The following ZNF746 variants were observed in gnomAD, a reference collection of about 807,000 sequenced individuals.
ZNF746 encodes the protein parkin-interacting substrate.
Under a neutral mutation model 41.0 loss-of-function variants are expected in ZNF746, and 13 were observed. The ratio of observed to expected loss-of-function variants is 0.32; its 90% CI spans 0.21 to 0.50. The LOEUF (loss-of-function observed/expected upper bound fraction) is 0.50, where lower values mean the gene tolerates loss of function less well. Ranked by LOEUF, ZNF746 falls within the 20% of genes least tolerant of loss-of-function variation. ZNF746 has a pLI of 0.98. For synonymous variants in ZNF746, 424 were observed against 396.2 expected, an observed-to-expected ratio of 1.07 and a Z score of -0.83; for missense variants, 811 against 922.9, an observed-to-expected ratio of 0.88 and a Z score of 1.57.
At chr7:149,483,425 G>A (rs904091786) in intron 4 of ZNF746, among the ~76,000 whole-genome samples, 1 of 152,040 alleles carries the variant, frequency 6.6e-6, no homozygotes, top group Non-Finnish European at 1.5e-5. Context: ...TGGCCAACAT[G>A]GTGAAACCCC....
In ZNF746 at chr7:149,486,356, T is replaced by G. The variant is rs147883755; in HGVS notation, c.565+6503A>C. Among the ~76,000 whole-genome samples the G allele has an allele frequency of 9.6e-3, 865 of 89,878 alleles. 9 individuals carry two copies. Among genetic ancestry groups the G allele is most frequent in the African/African-American group, 0.036 (817 of 22,792 alleles). 59.0% of individuals were successfully genotyped at this position (89,878 alleles called of 152,430 possible). A position where few individuals can be genotyped will look rare whatever the true frequency, so the allele number is the denominator to read the frequency against. On this transcript the variant is annotated intron_variant, in intron 4 of 6. Coordinates refer to ENST00000458143, the MANE Select transcript of ZNF746 (RefSeq NM_001394198.1). ...CTTTCCTATGACCCAGCAGTTCCGCTCCTGGATCTACACCTACAGAAGCTT... is the reference window on the plus strand; with the variant it reads ...CTTTCCTATGACCCAGCAGTTCCGCGCCTGGATCTACACCTACAGAAGCTT...
chr7:149,482,923 T>G (rs1332131704), intron 4 of ZNF746, among the ~76,000 whole-genome samples: 1 of 152,038 alleles, frequency 6.6e-6, no homozygotes, highest in Non-Finnish European at 1.5e-5. Flanking sequence ...TTATATAAAA[T>G]TTGAGCAACT....
At chr7:149,493,755 T>C (rs1029115810) in intron 3 of ZNF746, among the ~76,000 whole-genome samples, 12 of 152,164 alleles carry the variant, frequency 7.9e-5, no homozygotes, top group Non-Finnish European at 1.6e-4. Context: ...CGGGCCTGCG[T>C]AGGAGAGAAG....
intron 1 of ZNF746, chr7:149,496,809 C>G: frequency 1.0e-6 from 1 of 985,402 alleles, no homozygotes; most frequent in Middle Eastern, 5.2e-4. Context: ...GCACTCACCC[C>G]TTTCTGTTTT....
chr7:149,474,881 C>T lies in ZNF746; in HGVS notation c.1486G>A (p.Gly496Arg), dbSNP rs1467141815. Residue 496 changes from glycine (G) to arginine (R), a missense_variant, in exon 7 of 7, where the codon GGG becomes AGG. Coordinates refer to ENST00000458143, the MANE Select transcript of ZNF746 (RefSeq NM_001394198.1). The surrounding 1 kb of genome is among the most constrained non-coding windows in gnomAD (Gnocchi z 6.3). ...CCACCGCCTGTGCCCGGGCCCGACC[C>T]GTCGGGCGCCCCACAGCTGCGCTGG... is the stretch of plus-strand genomic sequence containing the variant. ...AHQRSCGAPD[G>R]SGPGTGGGGS... 6.6e-7 allele frequency: 1 copy of T among 1,509,934 alleles called. No homozygotes were observed. Among genetic ancestry groups the T allele is most frequent in the Non-Finnish European group, 8.8e-7 (1 of 1,134,990 alleles). 93.5% of individuals were successfully genotyped at this position (1,509,934 alleles called of 1,614,324 possible). A position where few individuals can be genotyped will look rare whatever the true frequency, so the allele number is the denominator to read the frequency against.
At chr7:149,491,860 C>T (rs1362565764) in intron 4 of ZNF746, 3 of 701,090 alleles carry the variant, frequency 4.3e-6, no homozygotes, top group Admixed American at 2.0e-5. Flanking sequence ...CAGGTCTTCA[C>T]TTTAGGAATT....
At chr7:149,477,934 A>C in intron 4 of ZNF746, 179 bp from the exon 5 acceptor site, 1 of 523,844 alleles carries the variant, frequency 1.9e-6, no homozygotes, top group Middle Eastern at 5.0e-4. Context: ...CTGAGGTCAC[A>C]TGGTATTGGG....
At chr7:149,477,485 C>G (rs1184439631) in intron 5 of ZNF746, 79 bp downstream of exon 5, 1 of 1,472,100 alleles carries the variant, frequency 6.8e-7, no homozygotes, top group Non-Finnish European at 9.2e-7. Flanking sequence ...CACAGCTCCC[C>G]CATGCTGCCA....
chr7:149,486,810 T>C (rs1800638765), intron 4 of ZNF746, among the ~76,000 whole-genome samples: 1 of 152,204 alleles, frequency 6.6e-6, no homozygotes, highest in Admixed American at 6.5e-5. Context: ...GTTCAAGCTG[T>C]GGTCTCTCTC....
In ZNF746 at chr7:149,483,674, GA is replaced by G. The variant is rs1800545522; in HGVS notation, c.566-5920del. On this transcript the variant is annotated intron_variant, in intron 4 of 6. Coordinates refer to ENST00000458143, the MANE Select transcript of ZNF746 (RefSeq NM_001394198.1). ...GGTTAAGCGTCAATGCAAGACATTA[GA>G]AAATAAATAACATTTAAGAACCTTT... Among the ~76,000 whole-genome samples the G allele has an allele frequency of 7.9e-5, 12 of 151,004 alleles. No individual in the cohort carries two copies. In the South Asian group the frequency reaches 2.5e-3, roughly 32 times the overall value.
In ZNF746 at chr7:149,492,906, C is replaced by T. The variant is rs139035494; in HGVS notation, c.518G>A (p.Arg173His). 446 of 1,612,324 alleles carry T rather than the reference C, an allele frequency of 2.8e-4. No homozygotes were observed. The highest frequency in any genetic ancestry group is 1.8e-3 in the South Asian group (160 of 90,680). Residue 173 changes from arginine (R) to histidine (H), a missense_variant, in exon 4 of 7, where the codon CGC becomes CAC. By Grantham distance (29) the Arg-to-His change is conservative (BLOSUM62 0). This residue lies in a region of ZNF746 where 147 missense variants were observed against 233.4 expected (regional missense o/e 0.63). Transcript: ENST00000458143. ...IEQGKEPCNW[R>H]RPGPKIPDVP... ...ATCTGGAATCTTGGGGCCAGGGCGG[C>T]GCCAGTTGCAGGGCTCCTTCCCTTG...
intron 4 of ZNF746, among the ~76,000 whole-genome samples, chr7:149,478,523 G>C (rs1449473339): frequency 6.6e-6 from 1 of 152,202 alleles, no homozygotes; most frequent in Non-Finnish European, 1.5e-5. Context: ...AATTGGCTGA[G>C]AGCCATGGCA....
intron 4 of ZNF746, among the ~76,000 whole-genome samples, chr7:149,482,116 C>T (rs542306022): frequency 2.6e-5 from 4 of 152,174 alleles, no homozygotes; most frequent in South Asian, 2.1e-4. Flanking sequence ...TTTTTGTACA[C>T]GGTTTTTGAA....
intron 4 of ZNF746, chr7:149,491,896 C>T (rs908889062): frequency 1.4e-5 from 10 of 701,404 alleles, no homozygotes; most frequent in Non-Finnish European, 2.3e-5. Flanking sequence ...GTCCACCTGT[C>T]CTTCCCTTAA....
At chr7:149,490,783 G>T in intron 4 of ZNF746, 1 of 153,128 alleles carries the variant, frequency 6.5e-6, no homozygotes, top group Non-Finnish European at 1.5e-5. Flanking sequence ...AGGGCAGGAA[G>T]AGTGTTGAGA....
At chr7:149,479,904 A>C (rs115037565) in intron 4 of ZNF746, among the ~76,000 whole-genome samples, 3,296 of 152,230 alleles carry the variant, frequency 0.022, 125 homozygotes, top group African/African-American at 0.076. Context: ...TGTTTCAAAT[A>C]AACAAACAAA....
intron 1 of ZNF746, among the ~76,000 whole-genome samples, chr7:149,495,719 T>A (rs1325008870): frequency 6.6e-6 from 1 of 152,186 alleles, no homozygotes; most frequent in Non-Finnish European, 1.5e-5. Context: ...AGAATGCGGA[T>A]GGACAGCTCA....
chr7:149,485,031 G>C (rs1427821657), intron 4 of ZNF746, among the ~76,000 whole-genome samples: 1 of 151,880 alleles, frequency 6.6e-6, no homozygotes, highest in African/African-American at 2.4e-5. Context: ...AGGGACATTG[G>C]AATGCGCTCT....
At chr7:149,495,716 G>A (rs1203729282) in intron 1 of ZNF746, among the ~76,000 whole-genome samples, 4 of 152,324 alleles carry the variant, frequency 2.6e-5, no homozygotes, top group African/African-American at 7.2e-5. Context: ...ACTAGAATGC[G>A]GATGGACAGC....
Sources: gnomAD v4.1 joint callset for allele counts (sites outside exome capture counted in the v4.1 genomes callset) on GRCh38, gnomAD v4.1.1 for gene constraint, gnomAD v4.1.1 regional missense constraint, Gnocchi (gnomAD v3.1) non-coding constraint, MANE v1.5 for transcripts, NCBI Gene and HGNC (gene_info 2026-07-23, HGNC 2026-07-21) for gene names.